The following COL5A3 variants were observed in gnomAD, a reference collection of about 807,000 sequenced individuals.
COL5A3 encodes collagen type V alpha 3 chain, also known as collagen alpha-3(V) chain.
In COL5A3, 172 loss-of-function variants were observed where a neutral mutation model predicts 250.0. That is an observed-to-expected ratio of 0.69 (90% confidence interval 0.61 to 0.78). COL5A3 has a LOEUF of 0.78. COL5A3 is among the 30% of genes least tolerant of loss of function. The probability of loss-of-function intolerance (pLI) is 0.00; values close to 1 mark genes in which losing one functional copy is unlikely to be tolerated. For synonymous variants in COL5A3, 937 were observed against 900.4 expected (o/e 1.04, Z -0.73); for missense variants, 2,340 against 2,334.4 (o/e 1.00, Z -0.05).
chr19:9,988,407 C>T (rs773257543), intron 27 of COL5A3, among the ~76,000 whole-genome samples: 5 of 152,156 alleles, frequency 3.3e-5, no homozygotes, highest in Non-Finnish European at 7.3e-5. Context: ...CTGTATTTGG[C>T]TACAATGTCA....
In COL5A3 at chr19:9,986,731, C is replaced by A; in HGVS notation, c.2173G>T (p.Gly725Trp). 1 of 1,613,346 alleles carries A rather than the reference C, an allele frequency of 6.2e-7. No individual in the cohort carries two copies. Among genetic ancestry groups the A allele is most frequent in the Non-Finnish European group, 8.5e-7 (1 of 1,179,932 alleles). Residue 725 changes from glycine to tryptophan, a missense_variant, in exon 28 of 67, where the codon GGG becomes TGG. This residue lies in a region of COL5A3 where 1,152 missense variants were observed against 1,146.3 expected (regional missense o/e 1.00). Coordinates refer to ENST00000264828, the MANE Select transcript of COL5A3 (RefSeq NM_015719.4). ...KGTSGNRGLQ[G>W]EKGEKGEDGF... ...CTCCTCACCTTCTCGCCTTTCTCCC[C>A]CTGGAGGCCCCGGTTGCCTGAAGTG...
At chr19:10,000,928 G>A (rs2087351246) in intron 8 of COL5A3, among the ~76,000 whole-genome samples, 1 of 152,034 alleles carries the variant, frequency 6.6e-6, no homozygotes, top group Non-Finnish European at 1.5e-5. Flanking sequence ...ACAGACACTG[G>A]GACCTATCGG....
intron 45 of COL5A3, 134 bp downstream of exon 45, chr19:9,976,424 G>T: frequency 5.0e-6 from 3 of 601,246 alleles, no homozygotes; most frequent in South Asian, 5.1e-5. Context: ...AGTTCACATT[G>T]GGTGTCAGTA....
chr19:9,990,770 A>C (rs1179839756), intron 24 of COL5A3, among the ~76,000 whole-genome samples: 1 of 152,030 alleles, frequency 6.6e-6, no homozygotes, highest in African/African-American at 2.4e-5. Context: ...TCACCATGTT[A>C]GCCAGGATGG....
In COL5A3 at chr19:9,960,479, C is replaced by A. The variant is rs773675332; in HGVS notation, c.5170G>T (p.Ala1724Ser). Residue 1724 changes from alanine to serine, a missense_variant, in exon 67 of 67, where the codon GCC becomes TCC. Transcript: ENST00000264828. The part of the protein sequence containing the change: ...AGFLPLWDVA[A>S]TDFGQTNQKF... ...TGGTTCGTCTGGCCAAAGTCAGTGG[C>A]CGCCACATCCCACAGGGGCAGAAAT... The A allele has an allele frequency of 6.2e-7, 1 of 1,614,186 alleles. No homozygotes were observed. Among genetic ancestry groups the A allele is most frequent in the Non-Finnish European group, 8.5e-7 (1 of 1,180,036 alleles).
At chr19:10,008,507 C>T (rs2087476718) in intron 1 of COL5A3, among the ~76,000 whole-genome samples, 1 of 152,126 alleles carries the variant, frequency 6.6e-6, no homozygotes, top group Non-Finnish European at 1.5e-5. Context: ...GGTCAGGGCC[C>T]CCACGGGGAT....
chr19:9,986,253 G>T, intron 30 of COL5A3, 62 bp downstream of exon 30: 1 of 1,160,556 alleles, frequency 8.6e-7, no homozygotes, highest in Non-Finnish European at 1.2e-6. Flanking sequence ...AGGGCAAAGG[G>T]CAGAGGGAAA....
chr19:9,981,410 T>C (rs2087006711), intron 32 of COL5A3, among the ~76,000 whole-genome samples: 1 of 152,194 alleles, frequency 6.6e-6, no homozygotes, highest in Non-Finnish European at 1.5e-5. Context: ...GCAGTATGCA[T>C]ACATGATTGC....
In COL5A3 at chr19:9,967,528, C is replaced by T. The variant is rs572646413; in HGVS notation, c.4405-128G>A. The T allele has an allele frequency of 1.5e-4, 104 of 677,220 alleles. 1 individual carries two copies. In the East Asian group the frequency reaches 2.5e-3, roughly 16 times the overall value. 42.0% of individuals were successfully genotyped at this position (677,220 alleles called of 1,614,324 possible). A position where few individuals can be genotyped will look rare whatever the true frequency, so the allele number is the denominator to read the frequency against. ...ACACAGTCTCACACACTCACATACA[C>T]ACTCACTCACACACTCACACACACA... On this transcript the variant is annotated intron_variant, in intron 61 of 66. Transcript: ENST00000264828.
At chr19:10,006,526 G>C (rs1369142048) in intron 1 of COL5A3, among the ~76,000 whole-genome samples, 2 of 151,988 alleles carry the variant, frequency 1.3e-5, no homozygotes, top group Non-Finnish European at 2.9e-5. Context: ...AAACTTCCTG[G>C]CCTAAGCCCC....
At chr19:10,004,014 T>G in intron 5 of COL5A3, 27 bp downstream of exon 5, 4 of 1,537,470 alleles carry the variant, frequency 2.6e-6, no homozygotes, top group Non-Finnish European at 2.7e-6. Flanking sequence ...TGTCCTGAGA[T>G]TAGGAGTCAT....
intron 16 of COL5A3, among the ~76,000 whole-genome samples, chr19:9,995,354 G>T (rs1435610308): frequency 6.6e-6 from 1 of 152,182 alleles, no homozygotes; most frequent in Non-Finnish European, 1.5e-5. Flanking sequence ...TCAGATCTCA[G>T]GGCAAGCATC....
intron 1 of COL5A3, among the ~76,000 whole-genome samples, chr19:10,008,648 CTGAG>C (rs894616703): frequency 9.9e-5 from 15 of 152,134 alleles, no homozygotes; most frequent in Admixed American, 3.3e-4. Context: ...GTGGGTGAGT[CTGAG>C]TGAGACAGGC....
At chr19:9,983,626 GA>G (rs1413418137) in intron 31 of COL5A3, among the ~76,000 whole-genome samples, 2 of 119,196 alleles carry the variant, frequency 1.7e-5, no homozygotes, top group African/African-American at 6.0e-5. Flanking sequence ...GAGAAAGAAA[GA>G]AAGAAGAGAG....
chr19:9,986,799 CT>C lies in COL5A3; in HGVS notation c.2146-42del. 3 of 1,609,096 alleles carry C rather than the reference CT, an allele frequency of 1.9e-6. No individual in the cohort carries two copies. In the African/African-American group the frequency reaches 4.0e-5, roughly 22 times the overall value. The stretch of plus-strand genomic sequence containing the variant: ...AAAAAGCTCTCAAGCCTCTTCCCTG[CT>C]TAAGAAGTGACCCAGACTCAGTCCC... On this transcript the variant is annotated intron_variant, in intron 27 of 66. Transcript: ENST00000264828.
chr19:9,989,250 C>T, intron 26 of COL5A3, 72 bp downstream of exon 26: 1 of 1,610,668 alleles, frequency 6.2e-7, no homozygotes, highest in Non-Finnish European at 8.5e-7. Context: ...TCTCTCTCCT[C>T]TGTGGCCCCT....
intron 1 of COL5A3, among the ~76,000 whole-genome samples, chr19:10,008,160 C>T (rs1040033043): frequency 5.9e-5 from 9 of 152,148 alleles, no homozygotes; most frequent in African/African-American, 2.2e-4. Context: ...CCATCTCAGC[C>T]TGGGGCCCAG....
intron 18 of COL5A3, 62 bp downstream of exon 18, chr19:9,993,557 T>C (rs1476811352): frequency 8.8e-6 from 14 of 1,591,522 alleles, no homozygotes; most frequent in Admixed American, 3.3e-5. Context: ...GAGGGAGAAG[T>C]TGGGGGGGCT....
intron 5 of COL5A3, 65 bp downstream of exon 5, chr19:10,003,976 G>T (rs909076165): frequency 7.6e-7 from 1 of 1,307,254 alleles, no homozygotes; most frequent in Non-Finnish European, 1.1e-6. Context: ...TCTTTCTAGG[G>T]ATCTGGAGCC....
Sources: gnomAD v4.1 joint callset for allele counts (sites outside exome capture counted in the v4.1 genomes callset) on GRCh38, gnomAD v4.1.1 for gene constraint, gnomAD v4.1.1 regional missense constraint, MANE v1.5 for transcripts, NCBI Gene and HGNC (gene_info 2026-07-23, HGNC 2026-07-21) for gene names.